The following FRMD3 variants were observed in gnomAD, a reference collection of about 807,000 sequenced individuals.
FRMD3 encodes the protein FERM domain-containing protein 3.
FRMD3 carries 33 observed loss-of-function variants against 70.2 expected under a neutral mutation model. The ratio of observed to expected loss-of-function variants is 0.47; its 90% confidence interval spans 0.36 to 0.63. FRMD3 has a LOEUF of 0.63. Ranked by LOEUF, FRMD3 falls within the 20% of genes least tolerant of loss-of-function variation. The probability of loss-of-function intolerance (pLI) is 0.00; values close to 1 mark genes in which losing one functional copy is unlikely to be tolerated. For synonymous variants in FRMD3, 279 were observed against 255.9 expected (o/e 1.09, Z -0.86); for missense variants, 632 against 711.4 (o/e 0.89, Z 1.27).
intron 8 of FRMD3, 144 bp downstream of exon 8, chr9:83,311,743 T>A: frequency 2.9e-6 from 2 of 680,054 alleles, no homozygotes; most frequent in Non-Finnish European, 5.1e-6. Flanking sequence ...GCAACCTAGA[T>A]GTTACATCCC....
At chr9:83,311,832 C>A (rs374538744) in intron 8 of FRMD3, 55 bp downstream of exon 8, 4 of 1,237,874 alleles carry the variant, frequency 3.2e-6, no homozygotes, top group Non-Finnish European at 4.7e-6. Context: ...AAGGAGGGGA[C>A]GGAGGAATCA....
intron 10 of FRMD3, among the ~76,000 whole-genome samples, chr9:83,306,861 C>A (rs1317669941): frequency 2.6e-5 from 4 of 152,130 alleles, no homozygotes; most frequent in African/African-American, 9.7e-5. Context: ...TATATAGTTT[C>A]CTTCTGGGAT....
intron 1 of FRMD3, among the ~76,000 whole-genome samples, chr9:83,451,699 C>T (rs1827662434): frequency 6.6e-6 from 1 of 152,122 alleles, no homozygotes; most frequent in African/African-American, 2.4e-5. Context: ...GTGTTATCCC[C>T]TCACTCACCC....
intron 1 of FRMD3, among the ~76,000 whole-genome samples, chr9:83,471,966 G>A (rs1828279354): frequency 6.6e-6 from 1 of 152,118 alleles, no homozygotes; most frequent in Non-Finnish European, 1.5e-5. Context: ...CCACCTAAGA[G>A]GCTTGTTGAG....
chr9:83,259,441 G>A (rs1425837758), intron 13 of FRMD3, among the ~76,000 whole-genome samples: 2 of 152,008 alleles, frequency 1.3e-5, no homozygotes, highest in African/African-American at 2.4e-5. Flanking sequence ...GCGTCTGTTG[G>A]GTGGTTCCCT....
intron 13 of FRMD3, among the ~76,000 whole-genome samples, chr9:83,257,987 G>A (rs921262218): frequency 2.6e-5 from 4 of 152,096 alleles, no homozygotes; most frequent in Admixed American, 1.3e-4. Flanking sequence ...ACCATTGTTG[G>A]CATTATTTAA....
chr9:83,389,580 C>T (rs1279760003), intron 2 of FRMD3, 24 bp downstream of exon 2: 1 of 1,530,250 alleles, frequency 6.5e-7, no homozygotes, highest in Non-Finnish European at 9.1e-7. Context: ...CTGAAAATGG[C>T]TCCAGATAGA....
At chr9:83,472,160 T>A (rs1225176755) in intron 1 of FRMD3, among the ~76,000 whole-genome samples, 1 of 152,088 alleles carries the variant, frequency 6.6e-6, no homozygotes. Context: ...GTAAGCATAG[T>A]GCAAAAATAG....
chr9:83,454,820 C>T (rs1827773525), intron 1 of FRMD3, among the ~76,000 whole-genome samples: 1 of 152,158 alleles, frequency 6.6e-6, no homozygotes, highest in Non-Finnish European at 1.5e-5. Flanking sequence ...AAGGCCCACC[C>T]TCTGTCAGGC....
At chr9:83,510,268 T>G (rs77964188) in intron 1 of FRMD3, among the ~76,000 whole-genome samples, 2,860 of 152,298 alleles carry the variant, frequency 0.019, 89 homozygotes, top group African/African-American at 0.064. Flanking sequence ...ATAGTCAAGA[T>G]GCAGATGGAA....
chr9:83,439,652 T>C (rs1022287996), intron 1 of FRMD3, among the ~76,000 whole-genome samples: 1 of 152,228 alleles, frequency 6.6e-6, no homozygotes, highest in Non-Finnish European at 1.5e-5. Flanking sequence ...TGAAAATGGG[T>C]TCTCTGTTTG....
chr9:83,492,930 GA>G (rs1433002170), intron 1 of FRMD3, among the ~76,000 whole-genome samples: 2 of 152,184 alleles, frequency 1.3e-5, no homozygotes, highest in Non-Finnish European at 2.9e-5. Flanking sequence ...AGGGAGCAGA[GA>G]AGTGGGACAG....
chr9:83,358,381 T>C (rs1824472669), intron 3 of FRMD3, among the ~76,000 whole-genome samples: 1 of 152,174 alleles, frequency 6.6e-6, no homozygotes, highest in Non-Finnish European at 1.5e-5. Flanking sequence ...CTCCAGATTT[T>C]TTCTTTTTGC....
At chr9:83,358,203 C>T (rs1331522985) in intron 3 of FRMD3, among the ~76,000 whole-genome samples, 6 of 152,144 alleles carry the variant, frequency 3.9e-5, no homozygotes, top group African/African-American at 1.4e-4. Flanking sequence ...CCTTTCCCCA[C>T]TTTACGTTTT....
chr9:83,448,410 G>A (rs2131409201), intron 1 of FRMD3, among the ~76,000 whole-genome samples: 1 of 152,248 alleles, frequency 6.6e-6, no homozygotes, highest in South Asian at 2.1e-4. Context: ...CACTGCTGAG[G>A]TTGAATATAG....
the FRMD3 span, among the ~76,000 whole-genome samples, chr9:83,552,293 T>G: frequency 1.3e-5 from 2 of 152,238 alleles, no homozygotes; most frequent in African/African-American, 4.8e-5. Flanking sequence ...TGAGAAATTT[T>G]CATTGTGTTG....
chr9:83,384,196 G>A (rs531435886), intron 2 of FRMD3, among the ~76,000 whole-genome samples: 1 of 152,328 alleles, frequency 6.6e-6, no homozygotes, highest in South Asian at 2.1e-4. Context: ...GTAAACAAAA[G>A]AGGACTCATT....
chr9:83,527,449 A>T (rs1219818357), intron 1 of FRMD3, among the ~76,000 whole-genome samples: 1 of 152,118 alleles, frequency 6.6e-6, no homozygotes, highest in Non-Finnish European at 1.5e-5. Context: ...ACATCTACTC[A>T]AAGAAATGCG....
chr9:83,322,181 C>T (rs536155790), intron 6 of FRMD3, among the ~76,000 whole-genome samples: 18 of 152,116 alleles, frequency 1.2e-4, no homozygotes, highest in Non-Finnish European at 2.1e-4. Context: ...TCACAGCAGC[C>T]CATTGCAGGG....
Sources: gnomAD v4.1 joint callset for allele counts (sites outside exome capture counted in the v4.1 genomes callset) on GRCh38, gnomAD v4.1.1 for gene constraint, MANE v1.5 for transcripts, NCBI Gene and HGNC (gene_info 2026-07-23, HGNC 2026-07-21) for gene names.